The following CNTN1 variants were observed in gnomAD, a reference collection of about 807,000 sequenced individuals.
The protein encoded by CNTN1 is contactin-1.
CNTN1 carries 38 observed loss-of-function variants against 126.4 expected under a neutral mutation model. The observed-to-expected ratio is 0.30, with a 90% CI of 0.23 to 0.39. CNTN1 has a LOEUF of 0.39. Among genes scored for constraint, CNTN1 ranks in the 10% least tolerant of loss-of-function variants. CNTN1 has a pLI of 1.00. For synonymous variants in CNTN1, 413 were observed against 422.6 expected (o/e 0.98, Z 0.28); for missense variants, 1,009 against 1,248.4 (o/e 0.81, Z 2.89).
intron 1 of CNTN1, among the ~76,000 whole-genome samples, chr12:40,864,109 C>A (rs938339389): frequency 7.4e-5 from 11 of 149,566 alleles, no homozygotes; most frequent in African/African-American, 2.5e-4. Flanking sequence ...CAACCTCTGC[C>A]TCCCAGGTTC....
chr12:41,017,997 A>G (rs1258016203), intron 19 of CNTN1, among the ~76,000 whole-genome samples: 1 of 151,998 alleles, frequency 6.6e-6, no homozygotes, highest in Non-Finnish European at 1.5e-5. Flanking sequence ...AGGCTGAGGC[A>G]GGAGAATCGC....
At chr12:40,824,218 C>T (rs1034373466) in intron 1 of CNTN1, among the ~76,000 whole-genome samples, 4 of 151,892 alleles carry the variant, frequency 2.6e-5, no homozygotes, top group Non-Finnish European at 4.4e-5. Flanking sequence ...ATAATTTTGC[C>T]GTATCACCTG....
chr12:41,012,167 T>C (rs34622861), intron 17 of CNTN1, among the ~76,000 whole-genome samples: 5,154 of 152,008 alleles, frequency 0.034, 114 homozygotes, highest in Middle Eastern at 0.11. Flanking sequence ...CAGAGTGACC[T>C]TGACATGCCA....
At chr12:40,996,917 A>T (rs1948232950) in intron 17 of CNTN1, among the ~76,000 whole-genome samples, 1 of 152,196 alleles carries the variant, frequency 6.6e-6, no homozygotes, top group African/African-American at 2.4e-5. Flanking sequence ...AGATGCCAGC[A>T]TATGCTATGT....
chr12:40,716,320 C>T (rs1942046933), intron 1 of CNTN1, among the ~76,000 whole-genome samples: 2 of 150,870 alleles, frequency 1.3e-5, no homozygotes, highest in South Asian at 4.2e-4. Context: ...TCTCTCCTTT[C>T]CCTCCCTTCC....
At chr12:40,809,599 C>T (rs941852109) in intron 1 of CNTN1, among the ~76,000 whole-genome samples, 10 of 152,048 alleles carry the variant, frequency 6.6e-5, no homozygotes, top group African/African-American at 1.4e-4. Flanking sequence ...CCAAGGCAGG[C>T]GGATCACGAG....
chr12:40,789,936 G>A (rs1327672960), intron 1 of CNTN1, among the ~76,000 whole-genome samples: 1 of 151,954 alleles, frequency 6.6e-6, no homozygotes, highest in Non-Finnish European at 1.5e-5. Flanking sequence ...TTACTTTTTA[G>A]ATTTACACCT....
chr12:40,778,225 T>C (rs757826570), intron 1 of CNTN1, among the ~76,000 whole-genome samples: 1 of 151,872 alleles, frequency 6.6e-6, no homozygotes, highest in East Asian at 1.9e-4. Flanking sequence ...ACCATTTCCA[T>C]GTTATCATCA....
chr12:40,742,181 T>C (rs544236328), intron 1 of CNTN1, among the ~76,000 whole-genome samples: 3 of 152,202 alleles, frequency 2.0e-5, no homozygotes, highest in South Asian at 4.1e-4. Context: ...AAGCCAATAA[T>C]GCTCTCCTAC....
intron 20 of CNTN1, among the ~76,000 whole-genome samples, chr12:41,021,726 A>G (rs1330624721): frequency 6.7e-6 from 1 of 149,688 alleles, no homozygotes; most frequent in Non-Finnish European, 1.5e-5. Flanking sequence ...AGCTGAATTT[A>G]TTACAGTACA....
chr12:40,878,530 T>C (rs1316637002), intron 1 of CNTN1, among the ~76,000 whole-genome samples: 1 of 152,166 alleles, frequency 6.6e-6, no homozygotes, highest in African/African-American at 2.4e-5. Context: ...TATCCAGAAC[T>C]CACATGAGGA....
intron 14 of CNTN1, among the ~76,000 whole-genome samples, chr12:40,949,569 CTTTTTTTTT>C (rs36070275): frequency 3.4e-4 from 22 of 64,344 alleles, no homozygotes; most frequent in Admixed American, 7.4e-4. Context: ...TCTTTTCTTT[CTTTTTTTTT>C]TTTTTTTTTT....
chr12:40,893,225 C>A (rs1944301967), intron 1 of CNTN1, among the ~76,000 whole-genome samples: 1 of 151,850 alleles, frequency 6.6e-6, no homozygotes, highest in South Asian at 2.1e-4. Context: ...AATTTTCAAG[C>A]TAAATCAAAA....
At chr12:40,815,026 A>G (rs1335315709) in intron 1 of CNTN1, among the ~76,000 whole-genome samples, 1 of 152,044 alleles carries the variant, frequency 6.6e-6, no homozygotes, top group Non-Finnish European at 1.5e-5. Context: ...CTTGTGACAC[A>G]GTGAAAGAGA....
intron 23 of CNTN1, among the ~76,000 whole-genome samples, chr12:41,049,568 C>A (rs1442811589): frequency 6.6e-6 from 1 of 152,196 alleles, no homozygotes; most frequent in Non-Finnish European, 1.5e-5. Context: ...AGTCACTGTG[C>A]CTTGTCTCCA....
chr12:40,842,577 T>G (rs1258862430), intron 1 of CNTN1, among the ~76,000 whole-genome samples: 1 of 152,104 alleles, frequency 6.6e-6, no homozygotes, highest in African/African-American at 2.4e-5. Context: ...TTAGTTTCCC[T>G]GAGGAGATGC....
At chr12:40,768,878 A>G (rs1372628751) in intron 1 of CNTN1, among the ~76,000 whole-genome samples, 2 of 152,198 alleles carry the variant, frequency 1.3e-5, no homozygotes, top group Non-Finnish European at 1.5e-5. Context: ...CTTATGTGCA[A>G]TCAAGGACTA....
At chr12:40,813,912 T>C (rs142399274) in intron 1 of CNTN1, among the ~76,000 whole-genome samples, 3,383 of 152,274 alleles carry the variant, frequency 0.022, 122 homozygotes, top group African/African-American at 0.076. Context: ...TGGTATCTCA[T>C]TGTGGTTTTG....
At chr12:40,793,623 A>G (rs1940302743) in intron 1 of CNTN1, among the ~76,000 whole-genome samples, 1 of 152,100 alleles carries the variant, frequency 6.6e-6, no homozygotes. Context: ...TTCTTCAAAG[A>G]GCATAAGCCA....
Sources: allele counts gnomAD v4.1 joint callset (sites outside exome capture counted in the v4.1 genomes callset), GRCh38; gene constraint gnomAD v4.1.1; transcripts MANE v1.5; gene names NCBI Gene and HGNC (gene_info 2026-07-23, HGNC 2026-07-21).